The following NUMA1 variants were observed in gnomAD, a reference collection of about 807,000 sequenced individuals.
NUMA1 encodes the protein SP-H antigen.
A neutral mutation model predicts 237.1 loss-of-function variants in NUMA1; 62 were observed. That is an observed-to-expected ratio of 0.26 (90% CI 0.21 to 0.32). NUMA1 has a LOEUF of 0.32. NUMA1 is among the 10% of genes least tolerant of loss of function. The pLI is 1.00. For missense variants in NUMA1, 2,533 were observed against 2,666.5 expected, an observed-to-expected ratio of 0.95 and a Z score of 1.10; for synonymous variants, 1,028 against 1,066.1, an observed-to-expected ratio of 0.96 and a Z score of 0.70.
At chr11:72,003,574 T>C (rs368947900) in intron 26 of NUMA1, 36 bp from the exon 27 acceptor site, 1 of 1,613,868 alleles carries the variant, frequency 6.2e-7, no homozygotes, top group Non-Finnish European at 8.5e-7. Flanking sequence ...AGATGAGAAC[T>C]TGCGATACTA....
intron 2 of NUMA1, among the ~76,000 whole-genome samples, chr11:72,045,897 C>A (rs551427474): frequency 6.6e-6 from 1 of 152,348 alleles, no homozygotes; most frequent in East Asian, 1.9e-4. Flanking sequence ...AGCCCTGAAG[C>A]TTCCTAGCCC....
intron 2 of NUMA1, among the ~76,000 whole-genome samples, chr11:72,059,713 C>T (rs998247783): frequency 1.3e-5 from 2 of 152,168 alleles, no homozygotes; most frequent in Admixed American, 6.5e-5. Flanking sequence ...ACTGGCAGCA[C>T]ATCTCTAATT....
At chr11:72,052,142 C>A (rs1942396492) in intron 2 of NUMA1, among the ~76,000 whole-genome samples, 1 of 152,062 alleles carries the variant, frequency 6.6e-6, no homozygotes, top group East Asian at 1.9e-4. Flanking sequence ...GACGTAGAGA[C>A]AATGCTCTTA....
chr11:72,028,450 TAAAAAA>T (rs11300189), intron 4 of NUMA1, among the ~76,000 whole-genome samples: 1 of 75,368 alleles, frequency 1.3e-5, no homozygotes, highest in Non-Finnish European at 2.4e-5. Context: ...TGCTTTTTCT[TAAAAAA>T]AAAAAAAAAA....
In NUMA1 at chr11:72,003,487, A is replaced by C; in HGVS notation, c.*40T>G. The C allele has an allele frequency of 3.1e-6, 5 of 1,608,614 alleles. No homozygotes were observed. The highest frequency in any genetic ancestry group is 4.3e-6 in the Non-Finnish European group (5 of 1,174,962). On this transcript the variant is annotated 3_prime_UTR_variant, in exon 27 of 27. Transcript: ENST00000393695. ...AGGCGGAGGACCAGGTGAGGTCAGC[A>C]TCGGGGACACAGGTGGGGCCACTCA...
chr11:72,011,149 T>C (rs1956132939), intron 16 of NUMA1, among the ~76,000 whole-genome samples: 1 of 152,150 alleles, frequency 6.6e-6, no homozygotes, highest in South Asian at 2.1e-4. Context: ...ATCAGGAGAA[T>C]TGACTCTGGG....
intron 20 of NUMA1, 46 bp downstream of exon 20, chr11:72,008,642 G>A: frequency 1.9e-6 from 3 of 1,579,466 alleles, no homozygotes; most frequent in Non-Finnish European, 1.7e-6. Context: ...CTGATAAACA[G>A]CAGGCACTCC....
rs1355087014 is a variant in NUMA1, at chr11:72,022,348, A to G, written c.363T>C (p.Tyr121=). Residue 121 remains tyrosine, a synonymous_variant, in exon 7 of 27, where the codon TAT becomes TAC. Transcript: ENST00000393695. ...KSPRDWEQFE[Y]KIQAELAVIL... is the part of the protein sequence containing the mutation. Reference sequence around the variant, plus strand: ...AGGCACAAGGGCTTACCTGAATTTTATATTCAAACTGTTCCCAGTCCCTGG... The same window carrying G: ...AGGCACAAGGGCTTACCTGAATTTTGTATTCAAACTGTTCCCAGTCCCTGG... The G allele has an allele frequency of 1.2e-6, 2 of 1,612,128 alleles. No homozygotes were observed. Among genetic ancestry groups the G allele is most frequent in the Non-Finnish European group, 1.7e-6 (2 of 1,178,498 alleles).
intron 16 of NUMA1, 85 bp downstream of exon 16, chr11:72,012,316 G>A: frequency 7.7e-7 from 1 of 1,297,082 alleles, no homozygotes; most frequent in Non-Finnish European, 1.1e-6. Flanking sequence ...ACAGGAGCTG[G>A]CGGAGGCAAG....
chr11:72,062,341 A>T (rs573725592), intron 2 of NUMA1, among the ~76,000 whole-genome samples: 2 of 135,374 alleles, frequency 1.5e-5, no homozygotes, highest in East Asian at 2.3e-4. Flanking sequence ...AATAATGGTT[A>T]AAAAAAAAAA....
At chr11:72,052,627 G>A (rs1169175183) in intron 2 of NUMA1, among the ~76,000 whole-genome samples, 1 of 152,104 alleles carries the variant, frequency 6.6e-6, no homozygotes, top group African/African-American at 2.4e-5. Context: ...TTAGCTGGGT[G>A]TGGTCACATG....
Position 72,013,610 on chromosome 11 carries a change from C to G in NUMA1, c.3893G>C (p.Arg1298Pro), listed in dbSNP as rs377293607. The change falls in exon 15 of 27, where the codon CGG (arginine) becomes CCG (proline). Residue 1298 changes from arginine to proline, a missense_variant. Physicochemically the swap from Arg to Pro is moderately radical, Grantham distance 103. Transcript: ENST00000393695. This position sits in a 1 kb window ranked among gnomAD's most constrained non-coding sequence, Gnocchi z 6.8. ...CACCCGCTGTTTCTCAGCCTCCTCC[C>G]GGAGGCTCTGCACCTCCTCCCGCAG... Reference protein sequence around the residue: ...SALREEVQSLREEAEKQRVAS... With the variant: ...SALREEVQSLPEEAEKQRVAS... The G allele has an allele frequency of 1.9e-6, 3 of 1,611,390 alleles. No individual in the cohort carries two copies. The highest frequency in any genetic ancestry group is 2.2e-5 in the East Asian group (1 of 44,864).
At chr11:72,040,863 GA>G (rs1458078979) in intron 2 of NUMA1, 1 of 152,032 alleles carries the variant, frequency 6.6e-6, no homozygotes, top group African/African-American at 2.4e-5. Context: ...AAAGGGAGGT[GA>G]GGGGGGAGAA....
intron 1 of NUMA1, among the ~76,000 whole-genome samples, chr11:72,072,873 T>A (rs1020651884): frequency 9.2e-5 from 14 of 151,484 alleles, no homozygotes; most frequent in African/African-American, 3.4e-4. Context: ...AAACCCCGTC[T>A]CTACTAAAGA....
At chr11:72,043,237 C>T (rs1425020269) in intron 2 of NUMA1, among the ~76,000 whole-genome samples, 3 of 152,034 alleles carry the variant, frequency 2.0e-5, no homozygotes, top group African/African-American at 4.8e-5. Context: ...CGGTGGCTCA[C>T]GCCTGTAATC....
intron 1 of NUMA1, among the ~76,000 whole-genome samples, chr11:72,075,172 G>A (rs1310988826): frequency 1.3e-5 from 2 of 152,132 alleles, no homozygotes; most frequent in African/African-American, 4.8e-5. Flanking sequence ...CTTCTAGACT[G>A]TGCCAGCTAT....
intron 2 of NUMA1, among the ~76,000 whole-genome samples, chr11:72,052,342 G>T (rs1942410910): frequency 6.6e-6 from 1 of 152,154 alleles, no homozygotes; most frequent in Non-Finnish European, 1.5e-5. Context: ...TAAAATATGA[G>T]CAGGATAAGT....
intron 2 of NUMA1, among the ~76,000 whole-genome samples, chr11:72,050,008 T>C (rs1048509100): frequency 6.6e-6 from 1 of 152,022 alleles, no homozygotes; most frequent in Non-Finnish European, 1.5e-5. Context: ...CATTGTGTGT[T>C]ACCCTATTAG....
intron 2 of NUMA1, among the ~76,000 whole-genome samples, chr11:72,056,397 T>C (rs1435502265): frequency 6.7e-6 from 1 of 150,112 alleles, no homozygotes; most frequent in Admixed American, 6.7e-5. Context: ...TCTTGGCTCA[T>C]TGCAACCTCC....
Sources: gnomAD v4.1 joint callset for allele counts (sites outside exome capture counted in the v4.1 genomes callset) on GRCh38, gnomAD v4.1.1 for gene constraint, Gnocchi (gnomAD v3.1) non-coding constraint, MANE v1.5 for transcripts, NCBI Gene and HGNC (gene_info 2026-07-23, HGNC 2026-07-21) for gene names.